The following LANCL2 variants were observed in gnomAD, a reference collection of about 807,000 sequenced individuals.
LANCL2 encodes lanC-like protein 2.
Under a neutral mutation model 56.9 loss-of-function variants are expected in LANCL2, and 33 were observed. The observed-to-expected ratio is 0.58, with a 90% CI of 0.44 to 0.78. The LOEUF (loss-of-function observed/expected upper bound fraction) is 0.78, where lower values mean the gene tolerates loss of function less well. LANCL2 is among the 30% of genes least tolerant of loss of function. The probability of loss-of-function intolerance (pLI) is 0.00; values close to 1 mark genes in which losing one functional copy is unlikely to be tolerated. For synonymous variants in LANCL2, 233 were observed against 228.2 expected (o/e 1.02, Z -0.19); for missense variants, 562 against 580.2 (o/e 0.97, Z 0.32).
chr7:55,394,632 C>G (rs1790228691), intron 2 of LANCL2, among the ~76,000 whole-genome samples: 1 of 152,202 alleles, frequency 6.6e-6, no homozygotes, highest in Non-Finnish European at 1.5e-5. Context: ...ACAGAAAACA[C>G]ACAAGTCATG....
chr7:55,385,628 A>T (rs561488035), intron 1 of LANCL2, among the ~76,000 whole-genome samples: 1 of 152,184 alleles, frequency 6.6e-6, no homozygotes, highest in Non-Finnish European at 1.5e-5. Flanking sequence ...TAACAAGGTA[A>T]TAGAATATCA....
At chr7:55,366,315 G>A (rs1789867340) in intron 1 of LANCL2, 86 bp downstream of exon 1, 1 of 1,224,586 alleles carries the variant, frequency 8.2e-7, no homozygotes, top group Non-Finnish European at 1.1e-6. Context: ...GACGTCACAG[G>A]CGCGCGCCGG....
intron 5 of LANCL2, among the ~76,000 whole-genome samples, chr7:55,403,515 G>A (rs533996905): frequency 6.7e-6 from 1 of 149,994 alleles, no homozygotes; most frequent in African/African-American, 2.5e-5. Flanking sequence ...GAGTCTTAAA[G>A]CAGATTAGTT....
intron 6 of LANCL2, 46 bp from the exon 7 acceptor site, chr7:55,425,208 C>G (rs367744809): frequency 1.9e-6 from 3 of 1,581,884 alleles, no homozygotes; most frequent in Non-Finnish European, 1.7e-6. Context: ...GCCAACTCAT[C>G]GTTGAAACTG....
At chr7:55,405,500 T>C (rs1353855779) in intron 5 of LANCL2, among the ~76,000 whole-genome samples, 1 of 151,512 alleles carries the variant, frequency 6.6e-6, no homozygotes, top group African/African-American at 2.4e-5. Flanking sequence ...CTTTTTTTTT[T>C]TTTTTTTTTT....
intron 7 of LANCL2, 32 bp from the exon 8 acceptor site, chr7:55,428,343 C>T (rs1225105369): frequency 3.1e-6 from 5 of 1,591,522 alleles, no homozygotes; most frequent in Admixed American, 1.7e-5. Context: ...GGTAGAAACT[C>T]CAGTCTTAAA....
intron 1 of LANCL2, among the ~76,000 whole-genome samples, chr7:55,368,721 A>G (rs1379294874): frequency 6.6e-6 from 1 of 152,126 alleles, no homozygotes; most frequent in Admixed American, 6.5e-5. Context: ...AAGGTATTGA[A>G]GGTTGAAGTC....
intron 3 of LANCL2, among the ~76,000 whole-genome samples, chr7:55,399,379 T>A (rs551248428): frequency 6.6e-6 from 1 of 151,786 alleles, no homozygotes; most frequent in South Asian, 2.1e-4. Context: ...ATTTCGCTCT[T>A]GTTGCCCAGG....
intron 7 of LANCL2, 177 bp from the exon 8 acceptor site, chr7:55,428,198 G>A (rs1368044910): frequency 1.6e-6 from 1 of 616,966 alleles, no homozygotes; most frequent in Non-Finnish European, 2.9e-6. Flanking sequence ...GCCGCAAGCA[G>A]AGCCTTGCTG....
chr7:55,365,924 A>AG lies in LANCL2; in HGVS notation c.-100dup. ...CAGCGCGCGGCCTCGCTCCTCCTAGAGGACGCTCTCTGCGCGGGCCCTCGG... is the reference window on the plus strand; with the variant it reads ...CAGCGCGCGGCCTCGCTCCTCCTAGAGGGACGCTCTCTGCGCGGGCCCTCGG... On this transcript the variant is annotated 5_prime_UTR_variant, in exon 1 of 9. Transcript: ENST00000254770. 1 of 930,810 alleles carries AG rather than the reference A, an allele frequency of 1.1e-6. No individual in the cohort carries two copies. Among genetic ancestry groups the AG allele is most frequent in the Non-Finnish European group, 1.5e-6 (1 of 660,398 alleles). 57.7% of individuals were successfully genotyped at this position (930,810 alleles called of 1,614,324 possible).
At chr7:55,383,489 G>A (rs1207119841) in intron 1 of LANCL2, among the ~76,000 whole-genome samples, 1 of 152,158 alleles carries the variant, frequency 6.6e-6, no homozygotes, top group African/African-American at 2.4e-5. Context: ...ATGATGTCCT[G>A]CACAGGTGGA....
Position 55,425,288 on chromosome 7 carries a change from T to C in LANCL2, c.1043T>C (p.Met348Thr). The C allele has an allele frequency of 6.2e-7, 1 of 1,614,188 alleles. No homozygotes were observed. Among genetic ancestry groups the C allele is most frequent in the African/African-American group, 1.3e-5 (1 of 75,046 alleles). Residue 348 changes from methionine (M) to threonine (T), a missense_variant, in exon 7 of 9, where the codon ATG becomes ACG. By Grantham distance (81) the Met-to-Thr change is moderately conservative. Transcript: ENST00000254770. ...FKEEKYLKEA[M>T]ECSDVIWQRG... ...GAGGAGAAGTACTTGAAAGAGGCCATGGAGTGTAGCGATGTGATTTGGCAG... is the reference window on the plus strand; with the variant it reads ...GAGGAGAAGTACTTGAAAGAGGCCACGGAGTGTAGCGATGTGATTTGGCAG...
chr7:55,394,493 G>A (rs191082024), intron 2 of LANCL2, among the ~76,000 whole-genome samples: 2 of 152,322 alleles, frequency 1.3e-5, no homozygotes, highest in Admixed American at 6.5e-5. Context: ...CCAGGAGGTC[G>A]AGGCTGCAGT....
intron 6 of LANCL2, among the ~76,000 whole-genome samples, chr7:55,415,629 T>TTTTTTTTTTTTTTTTTTTTAG (rs1554384851): frequency 6.7e-6 from 1 of 148,280 alleles, no homozygotes; most frequent in Non-Finnish European, 1.5e-5. Context: ...TTCTTTTTTT[T>TTTTTTTTTTTTTTTTTTTTAG]GAGACACAGT....
chr7:55,402,223 GA>G (rs1790340218), intron 5 of LANCL2, among the ~76,000 whole-genome samples: 2 of 144,672 alleles, frequency 1.4e-5, no homozygotes, highest in Admixed American at 1.4e-4. Context: ...TCACCTCCCG[GA>G]CGGGGCGGCT....
intron 1 of LANCL2, among the ~76,000 whole-genome samples, chr7:55,383,870 C>T (rs1439534494): frequency 2.0e-5 from 3 of 152,062 alleles, no homozygotes; most frequent in African/African-American, 4.8e-5. Context: ...AAATAAATTC[C>T]TCTCAAAGTT....
intron 1 of LANCL2, among the ~76,000 whole-genome samples, chr7:55,367,859 C>G (rs115229868): frequency 6.6e-6 from 1 of 152,204 alleles, no homozygotes; most frequent in African/African-American, 2.4e-5. Flanking sequence ...AAATGTTAAT[C>G]TCTTCCCCTT....
chr7:55,369,986 G>A (rs956132650), intron 1 of LANCL2, among the ~76,000 whole-genome samples: 1 of 152,116 alleles, frequency 6.6e-6, no homozygotes, highest in African/African-American at 2.4e-5. Flanking sequence ...AAACACTTAC[G>A]ATCTCATGCA....
intron 5 of LANCL2, among the ~76,000 whole-genome samples, chr7:55,405,490 CTTTT>C (rs35842812): frequency 8.9e-5 from 11 of 123,326 alleles, no homozygotes; most frequent in Admixed American, 8.2e-5. Context: ...GGTTCAGGAA[CTTTT>C]TTTTTTTTTT....
Sources: allele counts gnomAD v4.1 joint callset (sites outside exome capture counted in the v4.1 genomes callset), GRCh38; gene constraint gnomAD v4.1.1; transcripts MANE v1.5; gene names NCBI Gene and HGNC (gene_info 2026-07-23, HGNC 2026-07-21).